LTBP4: variants seen among roughly 807,000 people sequenced by gnomAD.
LTBP4 encodes the protein latent-transforming growth factor beta-binding protein 4.
A neutral mutation model predicts 180.2 loss-of-function variants in LTBP4; 93 were observed. The observed-to-expected ratio is 0.52, with a 90% CI of 0.44 to 0.61. The LOEUF (loss-of-function observed/expected upper bound fraction) is 0.61. Ranked by LOEUF, LTBP4 falls within the 20% of genes least tolerant of loss-of-function variation. The probability of loss-of-function intolerance (pLI) is 0.00; values close to 1 mark genes in which losing one functional copy is unlikely to be tolerated. For missense variants in LTBP4, 2,116 were observed against 2,256.5 expected (o/e 0.94, Z 1.26); for synonymous variants, 947 against 934.5 (o/e 1.01, Z -0.24).
At chr19:40,599,882 A>C (rs1029807024), upstream of LTBP4, 8 of 470,160 alleles carry the variant, frequency 1.7e-5, no homozygotes, top group South Asian at 4.4e-5. Flanking sequence ...CCCAACCCCC[A>C]TCATCTCTCT....
chr19:40,617,275 G>C (rs753831818), intron 21 of LTBP4, 50 bp downstream of exon 21: 1 of 1,583,982 alleles, frequency 6.3e-7, no homozygotes, highest in Non-Finnish European at 8.6e-7. Context: ...GGGGAGGTTG[G>C]TCAGGCCCTG....
rs776523957 is a variant in LTBP4, at chr19:40,622,992, C to T, written c.3527C>T (p.Ala1176Val). The T allele has an allele frequency of 5.0e-6, 8 of 1,612,718 alleles. No homozygotes were observed. The highest frequency in any genetic ancestry group is 1.7e-4 in the Middle Eastern group (1 of 6,056). ...TGCCCTCACGGCCGGGGCTACCTGG[C>T]GCCCAGTGGAGACCTGAGCCTCCGG... ...SLCPHGRGYL[A>V]PSGDLSLRRD... Residue 1176 changes from alanine to valine, a missense_variant, in exon 24 of 30, where the codon GCG becomes GTG. Coordinates refer to ENST00000396819, the MANE Select transcript of LTBP4 (RefSeq NM_001042545.2). The surrounding 1 kb of genome is among the most constrained non-coding windows in gnomAD (Gnocchi z 5.1).
chr19:40,620,034 G>A (rs1003232798), intron 22 of LTBP4, among the ~76,000 whole-genome samples: 1 of 152,126 alleles, frequency 6.6e-6, no homozygotes, highest in Non-Finnish European at 1.5e-5. Context: ...CACAGCAAGG[G>A]CAAAGGCCTG....
chr19:40,606,787 G>C (rs1269503467), intron 6 of LTBP4, among the ~76,000 whole-genome samples: 3 of 151,884 alleles, frequency 2.0e-5, no homozygotes, highest in Non-Finnish European at 4.4e-5. Flanking sequence ...TCGCTCTGTC[G>C]CCCAGGCTGG....
upstream of LTBP4, chr19:40,597,099 C>G (rs2081394514): frequency 1.2e-6 from 1 of 859,414 alleles, no homozygotes; most frequent in East Asian, 3.6e-5. Flanking sequence ...GCGGGAAGTT[C>G]GCAGCCCGTG....
At chr19:40,616,713 G>A (rs1235491474) in intron 19 of LTBP4, among the ~76,000 whole-genome samples, 176 bp from the exon 20 acceptor site, 1 of 152,260 alleles carries the variant, frequency 6.6e-6, no homozygotes. Context: ...CTGAGTGAAA[G>A]AGCGAGACTC....
rs990942214 is a variant in LTBP4, at chr19:40,609,974, C to A, written c.1684+103C>A. On this transcript the variant is annotated intron_variant, in intron 11 of 29. Transcript: ENST00000396819. The surrounding 1 kb of genome is among the most constrained non-coding windows in gnomAD (Gnocchi z 4.9). ...CTCCCACGCTTCCCCTCTCGGGTCCCGCCCCAGGACTGCTCTGCCCTGGCC... is the reference window on the plus strand; with the variant it reads ...CTCCCACGCTTCCCCTCTCGGGTCCAGCCCCAGGACTGCTCTGCCCTGGCC... 1.1e-4 allele frequency: 147 copies of A among 1,399,328 alleles called. 1 individual carries two copies. Among genetic ancestry groups the A allele is most frequent in the Non-Finnish European group, 1.3e-4 (138 of 1,063,206 alleles). 86.7% of individuals were successfully genotyped at this position (1,399,328 alleles called of 1,614,324 possible).
At chr19:40,601,367 G>T, upstream of LTBP4, 3 of 1,175,562 alleles carry the variant, frequency 2.6e-6, no homozygotes, top group Non-Finnish European at 2.1e-6. Flanking sequence ...CGGCGGCGCG[G>T]CGGAGCGCGG....
chr19:40,601,030 C>T (rs2081419383), upstream of LTBP4, among the ~76,000 whole-genome samples: 1 of 152,168 alleles, frequency 6.6e-6, no homozygotes, highest in African/African-American at 2.4e-5. Context: ...CAAATGTGGC[C>T]CCCACTACTC....
In LTBP4 at chr19:40,625,279, TATATATATATATATATATATATATATATA is replaced by T. The variant is rs2081619659; in HGVS notation, c.3833-577_3833-549del. ...ATATATATATATATATATATATATA[TATATATATATATATATATATATATATATA>T]TATATATATTTTTTTTTTTAAAGAT... On this transcript the variant is annotated intron_variant, in intron 26 of 29. Transcript: ENST00000396819. Among the ~76,000 whole-genome samples the T allele has an allele frequency of 2.7e-3, 26 of 9,650 alleles. 4 individuals carry two copies. Among genetic ancestry groups the T allele is most frequent in the African/African-American group, 0.012 (17 of 1,388 alleles). The allele number at this position is 9,650 out of a possible 152,430, so 6.3% of individuals were successfully genotyped here. A position where few individuals can be genotyped will look rare whatever the true frequency, so the allele number is the denominator to read the frequency against.
Position 40,622,839 on chromosome 19 carries a change from G to T in LTBP4, c.3485-111G>T. The T allele has an allele frequency of 1.4e-6, 2 of 1,386,168 alleles. No homozygotes were observed. Among genetic ancestry groups the T allele is most frequent in the South Asian group, 1.3e-5 (1 of 74,688 alleles). 85.9% of individuals were successfully genotyped at this position (1,386,168 alleles called of 1,614,324 possible). A position where few individuals can be genotyped will look rare whatever the true frequency, so the allele number is the denominator to read the frequency against. Reference sequence around the variant, plus strand: ...ATGGGCAGACATAAGGCTGAGAGGTGGGCACTAACAGGCACAGGGCCAGAG... The same window carrying T: ...ATGGGCAGACATAAGGCTGAGAGGTTGGCACTAACAGGCACAGGGCCAGAG... On this transcript the variant is annotated intron_variant, in intron 23 of 29. Coordinates refer to ENST00000396819, the MANE Select transcript of LTBP4 (RefSeq NM_001042545.2). The surrounding 1 kb of genome is among the most constrained non-coding windows in gnomAD (Gnocchi z 5.1).
chr19:40,622,814 A>C lies in LTBP4; in HGVS notation c.3485-136A>C. ...AGGGCGAGCTGCCAGGCAGGTGGGC[A>C]TGGGCAGACATAAGGCTGAGAGGTG... On this transcript the variant is annotated intron_variant, in intron 23 of 29. Coordinates refer to ENST00000396819, the MANE Select transcript of LTBP4 (RefSeq NM_001042545.2). This position sits in a 1 kb window ranked among gnomAD's most constrained non-coding sequence, Gnocchi z 5.1. 7.3e-7 allele frequency: 1 copy of C among 1,374,802 alleles called. No individual in the cohort carries two copies. Among genetic ancestry groups the C allele is most frequent in the South Asian group, 1.4e-5 (1 of 72,560 alleles). The allele number at this position is 1,374,802 out of a possible 1,614,324, so 85.2% of individuals were successfully genotyped here.
At chr19:40,598,314 C>T (rs1393677608), upstream of LTBP4, among the ~76,000 whole-genome samples, 4 of 152,048 alleles carry the variant, frequency 2.6e-5, no homozygotes, top group African/African-American at 9.7e-5. Context: ...ATGGCCTCAT[C>T]CTCCACTCGG....
intron 21 of LTBP4, among the ~76,000 whole-genome samples, chr19:40,617,991 C>T (rs973445623): frequency 9.9e-5 from 15 of 151,990 alleles, no homozygotes; most frequent in African/African-American, 3.6e-4. Flanking sequence ...GTCTGCTTCC[C>T]CATAAATTCT....
At chr19:40,627,418 G>A (rs754165392) in intron 28 of LTBP4, 63 bp downstream of exon 28, 2 of 1,444,002 alleles carry the variant, frequency 1.4e-6, no homozygotes, top group East Asian at 4.9e-5. Context: ...GAGAGAGGAG[G>A]GAGGGAAACA....
Position 40,629,442 on chromosome 19 carries a change from C to T in LTBP4, c.4566C>T (p.Val1522=). 3 of 1,612,704 alleles carry T rather than the reference C, an allele frequency of 1.9e-6. No homozygotes were observed. The highest frequency in any genetic ancestry group is 2.5e-6 in the Non-Finnish European group (3 of 1,179,532). ...CCGAGGCTGCCTCCCCGCTGTGCGT[C>T]AACGCGCGTTGCCTCAACACGGATG... ...DEAEAASPLC[V]NARCLNTDGS... is the part of the protein sequence containing the mutation. Residue 1522 remains valine (V), a synonymous_variant, in exon 30 of 30, where the codon GTC becomes GTT. Coordinates refer to ENST00000396819, the MANE Select transcript of LTBP4 (RefSeq NM_001042545.2). This position sits in a 1 kb window ranked among gnomAD's most constrained non-coding sequence, Gnocchi z 4.5.
At chr19:40,623,158 T>TTTCTTTCTC in intron 24 of LTBP4, 137 bp downstream of exon 24, 1 of 534,486 alleles carries the variant, frequency 1.9e-6, no homozygotes, top group Non-Finnish European at 3.1e-6. Flanking sequence ...ACTCTGTCTC[T>TTTCTTTCTC]TTCTTTCTTT....
In LTBP4 at chr19:40,616,965, C is replaced by G. The variant is rs748762028; in HGVS notation, c.2889C>G (p.Arg963=). The G allele has an allele frequency of 6.2e-7, 1 of 1,613,918 alleles. No individual in the cohort carries two copies. The highest frequency in any genetic ancestry group is 8.5e-7 in the Non-Finnish European group (1 of 1,179,906). Residue 963 remains arginine, a synonymous_variant, in exon 20 of 30, where the codon CGC becomes CGG. Transcript: ENST00000396819. ...QRCENTPGSY[R]CTPACDPGYQ... is the part of the protein sequence containing the mutation. ...GTGAGAACACCCCTGGCTCCTACCG[C>G]TGCACACCAGCCTGTGACCCTGGCT...
At position 40,624,134 on chromosome 19, in the gene LTBP4, C is replaced by T. The variant is rs538859394; in HGVS notation, c.3832+52C>T. On this transcript the variant is annotated intron_variant, in intron 26 of 29. Coordinates refer to ENST00000396819, the MANE Select transcript of LTBP4 (RefSeq NM_001042545.2). ...CTCCTTCCCTTGGCTCGGCCTCACA[C>T]CCGCACCCGGGCCACACCTTTGCGA... 4.8e-6 allele frequency: 7 copies of T among 1,471,576 alleles called. No individual in the cohort carries two copies. The African/African-American group carries it at 5.6e-5, about 12-fold the overall frequency. The allele number at this position is 1,471,576 out of a possible 1,614,324, so 91.2% of individuals were successfully genotyped here.
Sources: allele counts gnomAD v4.1 joint callset (sites outside exome capture counted in the v4.1 genomes callset), GRCh38; gene constraint gnomAD v4.1.1; non-coding constraint Gnocchi (gnomAD v3.1); transcripts MANE v1.5; gene names NCBI Gene and HGNC (gene_info 2026-07-23, HGNC 2026-07-21).